CCNB3: variants seen among roughly 807,000 people sequenced by gnomAD.
CCNB3 encodes the protein cyclin B3.
CCNB3 carries 12 observed loss-of-function variants against 68.0 expected under a neutral mutation model. The observed-to-expected ratio is 0.18, with a 90% CI of 0.11 to 0.29. The LOEUF is 0.29. Among genes scored for constraint, CCNB3 ranks in the 10% least tolerant of loss-of-function variants. The pLI is 1.00. For missense variants in CCNB3, 904 were observed against 993.1 expected, an observed-to-expected ratio of 0.91 and a Z score of 1.21; for synonymous variants, 354 against 388.9, an observed-to-expected ratio of 0.91 and a Z score of 1.06.
chrX:50,347,425 C>T (rs1445479777), intron 10 of CCNB3, among the ~76,000 whole-genome samples: 2 of 108,994 alleles, frequency 1.8e-5, no homozygotes, highest in Non-Finnish European at 3.8e-5. Context: ...GTGGCAAATC[C>T]CACTGACTGT....
chrX:50,296,291 A>G (rs868945502), intron 5 of CCNB3, among the ~76,000 whole-genome samples: 96 of 82,339 alleles, frequency 1.2e-3, no homozygotes, highest in African/African-American at 3.8e-3. Flanking sequence ...CCCCGACCCC[A>G]CAACAGTCCC....
rs375731852 is a variant in CCNB3 at position 50,310,306 on chromosome X, T to C, written c.2137T>C (p.Leu713=). 71 of 1,210,622 alleles carry C rather than the reference T, an allele frequency of 5.9e-5. No individual in the cohort carries two copies. The highest frequency in any genetic ancestry group is 7.5e-5 in the Non-Finnish European group (67 of 895,212). The stretch of plus-strand genomic sequence containing the variant: ...GGATTCCTTGAAGAACTTGTTGGCT[T>C]TGCAGGAGAAAAGCACCATGGAAGA... ...EEDSLKNLLA[L]QEKSTMEEES... The change falls in exon 6 of 13, where the codon TTG becomes CTG. Residue 713 remains leucine, a synonymous_variant. Transcript: ENST00000376042.
At chrX:50,281,546 G>T (rs1936136762) in intron 1 of CCNB3, among the ~76,000 whole-genome samples, 1 of 111,000 alleles carries the variant, frequency 9.0e-6, no homozygotes, top group African/African-American at 3.3e-5. Context: ...CTGTTGCTGG[G>T]ATGCGCGGCG....
intron 1 of CCNB3, among the ~76,000 whole-genome samples, chrX:50,206,677 GGT>G: frequency 9.0e-6 from 1 of 111,122 alleles, no homozygotes; most frequent in South Asian, 3.9e-4. Context: ...GAGAGGCTGA[GGT>G]GGGAGTATTG....
At chrX:50,228,207 T>A (rs1935955595) in intron 1 of CCNB3, among the ~76,000 whole-genome samples, 1 of 90,669 alleles carries the variant, frequency 1.1e-5, no homozygotes. Context: ...ATATAAATAC[T>A]TATACATAGA....
intron 1 of CCNB3, among the ~76,000 whole-genome samples, chrX:50,221,276 A>G (rs1935669293): frequency 9.0e-6 from 1 of 111,103 alleles, no homozygotes; most frequent in African/African-American, 3.3e-5. Flanking sequence ...TGTCTCCTTC[A>G]GTTCTGCTCT....
chrX:50,209,961 A>G (rs1316499336), intron 1 of CCNB3, among the ~76,000 whole-genome samples: 3 of 111,270 alleles, frequency 2.7e-5, no homozygotes, highest in Non-Finnish European at 3.8e-5. Context: ...GAGTATTGAC[A>G]TTTGCCAAAC....
intron 1 of CCNB3, among the ~76,000 whole-genome samples, chrX:50,279,200 AATAT>A (rs1936021317): frequency 1.1e-3 from 3 of 2,796 alleles, no homozygotes; most frequent in Non-Finnish European, 1.5e-3. Flanking sequence ...TCTATATATA[AATAT>A]ATAGAGTATA....
chrX:50,294,935 A>T lies in CCNB3; in HGVS notation c.277A>T (p.Ile93Leu). 8.3e-7 allele frequency: 1 copy of T among 1,210,245 alleles called. No individual in the cohort carries two copies. Among genetic ancestry groups the T allele is most frequent in the Non-Finnish European group, 1.1e-6 (1 of 894,489 alleles). ...GTTTGTAAAAGTTGTTTCCAAGAAGATAAACAGGAACACACATGCTCTTGG... is the reference window on the plus strand; with the variant it reads ...GTTTGTAAAAGTTGTTTCCAAGAAGTTAAACAGGAACACACATGCTCTTGG... ...KEFVKVVSKKINRNTHALGLA... is the reference protein window; with the variant it reads ...KEFVKVVSKKLNRNTHALGLA... The change falls in exon 5 of 13, where the codon ATA (isoleucine) becomes TTA (leucine). Residue 93 changes from isoleucine to leucine, a missense_variant. By Grantham distance (5) the Ile-to-Leu change is conservative. This residue lies in a region of CCNB3 where 619 missense variants were observed against 609.8 expected (regional missense o/e 1.02). Coordinates refer to ENST00000376042, the MANE Select transcript of CCNB3 (RefSeq NM_033031.3).
chrX:50,294,133 G>A (rs1383033086), intron 4 of CCNB3, among the ~76,000 whole-genome samples: 1 of 109,893 alleles, frequency 9.1e-6, no homozygotes, highest in Non-Finnish European at 1.9e-5. Flanking sequence ...TAGTGACAGG[G>A]TCTCCCTATG....
chrX:50,345,379 G>A (rs188411730), intron 9 of CCNB3, among the ~76,000 whole-genome samples: 116 of 98,114 alleles, frequency 1.2e-3, no homozygotes, highest in Middle Eastern at 0.012. Context: ...TCACTTGGTG[G>A]ATAGATTCCT....
At position 50,294,981 on chromosome X, in the gene CCNB3, G is replaced by A. The variant is rs781905774; in HGVS notation, c.323G>A (p.Arg108Gln). The change falls in exon 5 of 13, where the codon CGG becomes CAG. Residue 108 changes from arginine (R) to glutamine (Q), a missense_variant. This residue lies in a region of CCNB3 where 619 missense variants were observed against 609.8 expected (regional missense o/e 1.02). Transcript: ENST00000376042. ...CTTGGACTGGCCAAAAAGAATAAGCGGAATCTAAAATGGTGAGTGAAAGGG... is the reference window on the plus strand; with the variant it reads ...CTTGGACTGGCCAAAAAGAATAAGCAGAATCTAAAATGGTGAGTGAAAGGG... Reference protein sequence around the residue: ...HALGLAKKNKRNLKWHKLEVT... With the variant: ...HALGLAKKNKQNLKWHKLEVT... 2.2e-5 allele frequency: 27 copies of A among 1,202,247 alleles called. No homozygotes were observed. The highest frequency in any genetic ancestry group is 1.1e-4 in the South Asian group (6 of 55,359).
intron 5 of CCNB3, among the ~76,000 whole-genome samples, chrX:50,296,124 G>GT (rs1176939718): frequency 1.8e-5 from 2 of 109,894 alleles, no homozygotes; most frequent in African/African-American, 6.6e-5. Context: ...ATGTTTCTTT[G>GT]TTTTTTTATT....
chrX:50,279,257 A>G (rs1188143761), intron 1 of CCNB3, among the ~76,000 whole-genome samples: 1 of 71,183 alleles, frequency 1.4e-5, no homozygotes, highest in Non-Finnish European at 2.4e-5. Flanking sequence ...TACTATATAT[A>G]AATATATAGA....
intron 8 of CCNB3, among the ~76,000 whole-genome samples, chrX:50,330,985 G>A (rs1557217982): frequency 1.8e-5 from 2 of 111,867 alleles, no homozygotes; most frequent in Non-Finnish European, 3.8e-5. Context: ...AAGACAGCTT[G>A]TAACTATATG....
chrX:50,287,708 G>A (rs888786773), intron 3 of CCNB3, among the ~76,000 whole-genome samples: 3 of 110,966 alleles, frequency 2.7e-5, no homozygotes, highest in Non-Finnish European at 3.8e-5. Flanking sequence ...CCTGGGCCAT[G>A]GAGCAGTATC....
rs782031737 is a variant in CCNB3, at chrX:50,342,237, G to A, written c.3552G>A (p.Leu1184=). 1.5e-5 allele frequency: 18 copies of A among 1,207,963 alleles called. No individual in the cohort carries two copies. The highest frequency in any genetic ancestry group is 2.2e-6 in the Non-Finnish European group (2 of 894,298). Residue 1184 remains leucine, a synonymous_variant, in exon 9 of 13, where the codon TTG becomes TTA. Coordinates refer to ENST00000376042, the MANE Select transcript of CCNB3 (RefSeq NM_033031.3). Reference sequence around the variant, plus strand: ...AGATGACCCATGAGACCCTGTACTTGGCAGTGAAGCTGGTGGATCTCTACC... The same window carrying A: ...AGATGACCCATGAGACCCTGTACTTAGCAGTGAAGCTGGTGGATCTCTACC... ...SFEMTHETLY[L]AVKLVDLYLM... is the part of the protein sequence containing the mutation.
intron 5 of CCNB3, among the ~76,000 whole-genome samples, chrX:50,298,296 G>A (rs1365710394): frequency 1.8e-5 from 2 of 111,553 alleles, no homozygotes; most frequent in Non-Finnish European, 3.8e-5. Context: ...ATTATTTTGA[G>A]ATACGTCCCA....
chrX:50,335,377 A>G (rs1180466728), intron 8 of CCNB3, among the ~76,000 whole-genome samples: 1 of 112,081 alleles, frequency 8.9e-6, no homozygotes, highest in Non-Finnish European at 1.9e-5. Flanking sequence ...AAGGTTAGGA[A>G]CTGTTGGGTG....
Sources: allele counts gnomAD v4.1 joint callset (sites outside exome capture counted in the v4.1 genomes callset), GRCh38; gene constraint gnomAD v4.1.1; regional missense constraint gnomAD v4.1.1; transcripts MANE v1.5; gene names NCBI Gene and HGNC (gene_info 2026-07-23, HGNC 2026-07-21).